Variants in GPM6A observed in about 807,000 individuals in gnomAD.
GPM6A encodes glycoprotein M6A, also known as neuronal membrane glycoprotein M6-a.
In GPM6A, 7 loss-of-function variants were observed where a neutral mutation model predicts 32.1. The ratio of observed to expected loss-of-function variants is 0.22; its 90% CI spans 0.12 to 0.41. The LOEUF (loss-of-function observed/expected upper bound fraction) is 0.41, where lower values mean the gene tolerates loss of function less well. Ranked by LOEUF, GPM6A falls within the 10% of genes least tolerant of loss-of-function variation. The pLI is 1.00. For missense variants in GPM6A, 235 were observed against 347.2 expected, an observed-to-expected ratio of 0.68 and a Z score of 2.57; for synonymous variants, 130 against 123.4, an observed-to-expected ratio of 1.05 and a Z score of -0.35.
intron 1 of GPM6A, among the ~76,000 whole-genome samples, chr4:175,861,620 C>A (rs1157791509): frequency 6.6e-6 from 1 of 151,382 alleles, no homozygotes; most frequent in Non-Finnish European, 1.5e-5. Context: ...TACGTGGTGG[C>A]CCACACTGTA....
At chr4:175,747,347 A>G (rs1165095735) in intron 1 of GPM6A, among the ~76,000 whole-genome samples, 3 of 152,078 alleles carry the variant, frequency 2.0e-5, no homozygotes, top group Non-Finnish European at 4.4e-5. Context: ...ACTGAATTAA[A>G]TATTACATCA....
At chr4:175,711,098 A>C (rs1482915102) in intron 1 of GPM6A, among the ~76,000 whole-genome samples, 5 of 152,172 alleles carry the variant, frequency 3.3e-5, no homozygotes, top group Admixed American at 6.5e-5. Flanking sequence ...CAATGTGTAC[A>C]TACATGTGTA....
chr4:175,659,770 T>C, intron 3 of GPM6A, among the ~76,000 whole-genome samples: 1 of 152,220 alleles, frequency 6.6e-6, no homozygotes, highest in Admixed American at 6.5e-5. Context: ...CTGTTTTACT[T>C]ACTGCTTATC....
At chr4:175,929,576 T>G (rs1323225449) in intron 1 of GPM6A, among the ~76,000 whole-genome samples, 1 of 152,198 alleles carries the variant, frequency 6.6e-6, no homozygotes, top group East Asian at 1.9e-4. Context: ...GGTGTAATAT[T>G]ACTCCTTCCT....
chr4:175,685,832 C>T (rs967762228), intron 2 of GPM6A, among the ~76,000 whole-genome samples: 1 of 152,152 alleles, frequency 6.6e-6, no homozygotes, highest in African/African-American at 2.4e-5. Flanking sequence ...TATCATACAT[C>T]TCTTCTTATC....
chr4:175,887,303 T>C (rs1239671331), intron 1 of GPM6A, among the ~76,000 whole-genome samples: 3 of 151,906 alleles, frequency 2.0e-5, no homozygotes, highest in Non-Finnish European at 4.4e-5. Flanking sequence ...ACAATTTAAG[T>C]TAAAAACTTC....
chr4:175,787,222 T>C (rs1406845182), intron 1 of GPM6A: 1 of 691,384 alleles, frequency 1.4e-6, no homozygotes, highest in Non-Finnish European at 2.5e-6. Context: ...ATAAAATTCA[T>C]CTTAAAGCTT....
intron 2 of GPM6A, among the ~76,000 whole-genome samples, chr4:175,691,318 T>TCTTACC (rs1744285737): frequency 6.6e-6 from 1 of 152,198 alleles, no homozygotes. Context: ...TTATCCTACT[T>TCTTACC]CTTAAGGGAT....
At chr4:175,668,519 A>ATGTGTGTGTGTGTGTG (rs56106172) in intron 3 of GPM6A, among the ~76,000 whole-genome samples, 1,761 of 139,302 alleles carry the variant, frequency 0.013, 34 homozygotes, top group East Asian at 0.084. Context: ...TCAAACGTTT[A>ATGTGTGTGTGTGTGTG]TGTGTGTGTG....
At chr4:175,926,523 T>G (rs1044260988) in intron 1 of GPM6A, among the ~76,000 whole-genome samples, 4 of 152,184 alleles carry the variant, frequency 2.6e-5, no homozygotes, top group Non-Finnish European at 5.9e-5. Flanking sequence ...TACATGGTGT[T>G]GAAATTTGAC....
At chr4:175,764,176 T>C (rs1732866653) in intron 1 of GPM6A, among the ~76,000 whole-genome samples, 1 of 152,206 alleles carries the variant, frequency 6.6e-6, no homozygotes, top group Non-Finnish European at 1.5e-5. Context: ...CCTCAGTTCC[T>C]GCCTCCCTAG....
chr4:175,962,657 C>G (rs1740204360), intron 1 of GPM6A, among the ~76,000 whole-genome samples: 1 of 152,104 alleles, frequency 6.6e-6, no homozygotes, highest in South Asian at 2.1e-4. Context: ...CCTATGGCAC[C>G]TACAGCAAAG....
intron 1 of GPM6A, among the ~76,000 whole-genome samples, chr4:175,921,245 TA>T (rs893195633): frequency 2.3e-4 from 35 of 152,098 alleles, no homozygotes; most frequent in East Asian, 1.5e-3. Context: ...GTGATCTATT[TA>T]AAAAAAATCA....
chr4:175,720,689 T>C (rs1487356587), intron 1 of GPM6A, among the ~76,000 whole-genome samples: 1 of 152,150 alleles, frequency 6.6e-6, no homozygotes, highest in Non-Finnish European at 1.5e-5. Context: ...TTTTATTCCT[T>C]TGGTTATCTT....
chr4:175,704,801 T>A (rs995680259), intron 1 of GPM6A, among the ~76,000 whole-genome samples: 1 of 152,138 alleles, frequency 6.6e-6, no homozygotes, highest in Non-Finnish European at 1.5e-5. Context: ...CTGTTCAAGG[T>A]AGAATAAGTT....
chr4:175,955,846 G>T (rs1739968343), intron 1 of GPM6A, among the ~76,000 whole-genome samples: 1 of 152,170 alleles, frequency 6.6e-6, no homozygotes, highest in Admixed American at 6.5e-5. Flanking sequence ...TGTGACTGGG[G>T]ACATGGTAGT....
intron 1 of GPM6A, among the ~76,000 whole-genome samples, chr4:175,953,527 G>C (rs1579659638): frequency 6.6e-6 from 1 of 152,148 alleles, no homozygotes; most frequent in Non-Finnish European, 1.5e-5. Context: ...AGTTAATATA[G>C]TATTATTGCT....
chr4:175,977,396 G>A (rs1489596415), intron 1 of GPM6A, among the ~76,000 whole-genome samples: 1 of 152,052 alleles, frequency 6.6e-6, no homozygotes, highest in Admixed American at 6.6e-5. Flanking sequence ...TTCTTTCAAT[G>A]TTTTGTCTTT....
chr4:175,670,357 A>T (rs1742985207), intron 3 of GPM6A, among the ~76,000 whole-genome samples: 1 of 152,148 alleles, frequency 6.6e-6, no homozygotes, highest in African/African-American at 2.4e-5. Flanking sequence ...GAAATAAGAA[A>T]ATTGGGGATG....
Sources: gnomAD v4.1 joint callset for allele counts (sites outside exome capture counted in the v4.1 genomes callset) on GRCh38, gnomAD v4.1.1 for gene constraint, MANE v1.5 for transcripts, NCBI Gene and HGNC (gene_info 2026-07-23, HGNC 2026-07-21) for gene names.